The following PCDH9 variants were observed in gnomAD, a reference collection of about 807,000 sequenced individuals.
PCDH9 encodes protocadherin 9.
In PCDH9, 24 loss-of-function variants were observed where a neutral mutation model predicts 70.6. That is an observed-to-expected ratio of 0.34 (90% CI 0.25 to 0.48). The LOEUF (loss-of-function observed/expected upper bound fraction) is 0.48. Among genes scored for constraint, PCDH9 ranks in the 20% least tolerant of loss-of-function variants. The probability of loss-of-function intolerance (pLI) is 0.99; values close to 1 mark genes in which losing one functional copy is unlikely to be tolerated. For synonymous variants in PCDH9, 562 were observed against 558.5 expected (o/e 1.01, Z -0.09); for missense variants, 1,281 against 1,503.6 (o/e 0.85, Z 2.45).
intron 2 of PCDH9, among the ~76,000 whole-genome samples, chr13:67,096,309 G>A (rs1019286484): frequency 2.6e-5 from 4 of 152,092 alleles, no homozygotes; most frequent in Non-Finnish European, 5.9e-5. Context: ...GCCACGAACC[G>A]TAAAATACTA....
At chr13:66,544,232 T>C (rs1224244816) in intron 4 of PCDH9, among the ~76,000 whole-genome samples, 1 of 152,174 alleles carries the variant, frequency 6.6e-6, no homozygotes. Flanking sequence ...CAGTATTATA[T>C]TACCAGGAAA....
intron 2 of PCDH9, chr13:67,225,098 A>G: frequency 1.6e-6 from 2 of 1,240,792 alleles, no homozygotes; most frequent in Non-Finnish European, 2.0e-6. Context: ...AATTTGGCAT[A>G]TCAGGACAGG....
chr13:66,911,428 C>T (rs1203904125), intron 2 of PCDH9, among the ~76,000 whole-genome samples: 2 of 152,182 alleles, frequency 1.3e-5, no homozygotes, highest in African/African-American at 2.4e-5. Context: ...CAAGTCATTA[C>T]TAACCAAGGA....
At chr13:66,523,255 T>C (rs1284854134) in intron 4 of PCDH9, among the ~76,000 whole-genome samples, 1 of 151,996 alleles carries the variant, frequency 6.6e-6, no homozygotes, top group Non-Finnish European at 1.5e-5. Flanking sequence ...TTACATAGAA[T>C]TTACACTATG....
In PCDH9 at chr13:66,564,172, AT is replaced by A. The variant is rs542557044; in HGVS notation, c.3340+67037del. 7.5e-3 allele frequency among the ~76,000 whole-genome samples: 1,129 copies of A among 150,094 alleles called. 12 individuals are homozygous for A. Among genetic ancestry groups the A allele is most frequent in the African/African-American group, 0.027 (1,089 of 40,968 alleles). On this transcript the variant is annotated intron_variant, in intron 4 of 4. Transcript: ENST00000377865. ...TTTCAATGTTTTATGGGAAATTTTG[AT>A]TTTTTTTTTAAGACAATGTGTTGCT... is the stretch of plus-strand genomic sequence containing the variant.
At chr13:67,060,172 G>A (rs1236956386) in intron 2 of PCDH9, among the ~76,000 whole-genome samples, 8 of 152,096 alleles carry the variant, frequency 5.3e-5, no homozygotes, top group Admixed American at 5.3e-4. Flanking sequence ...AGGTCAGGTA[G>A]ATAAAGTGTC....
chr13:66,332,534 CA>C, intron 4 of PCDH9, among the ~76,000 whole-genome samples: 1 of 152,146 alleles, frequency 6.6e-6, no homozygotes, highest in Admixed American at 6.6e-5. Flanking sequence ...TCTAGGGAAA[CA>C]AAGACCTTTA....
chr13:66,449,466 G>A (rs897224709), intron 4 of PCDH9, among the ~76,000 whole-genome samples: 6 of 151,970 alleles, frequency 3.9e-5, no homozygotes, highest in Non-Finnish European at 8.8e-5. Context: ...TTGATATTTT[G>A]TTCTGCCACT....
intron 4 of PCDH9, among the ~76,000 whole-genome samples, chr13:66,489,235 C>T (rs377096833): frequency 7.9e-5 from 12 of 152,102 alleles, no homozygotes; most frequent in African/African-American, 2.2e-4. Flanking sequence ...ACTGTGTTAC[C>T]GCATTGAAAA....
At position 66,882,645 on chromosome 13, in the gene PCDH9, T is replaced by C. The variant is rs577560021; in HGVS notation, c.3138+20859A>G. Reference sequence around the variant, plus strand: ...TGATAAATTTAATACAAATTTAATTTTGTATGCCATCAAAACATACTCACA... The same window carrying C: ...TGATAAATTTAATACAAATTTAATTCTGTATGCCATCAAAACATACTCACA... On this transcript the variant is annotated intron_variant, in intron 3 of 4. Transcript: ENST00000377865. Among the ~76,000 whole-genome samples, 13 of 152,322 alleles carry C rather than the reference T, an allele frequency of 8.5e-5. 1 individual carries two copies. In the East Asian group the frequency reaches 2.3e-3, roughly 27 times the overall value.
intron 4 of PCDH9, among the ~76,000 whole-genome samples, chr13:66,419,763 GTT>G (rs35437080): frequency 0.014 from 2,057 of 142,300 alleles, 44 homozygotes; most frequent in African/African-American, 0.048. Context: ...AGCTGCAGGA[GTT>G]TTTTTTTTTT....
chr13:66,338,056 A>C (rs1477973834), intron 4 of PCDH9, among the ~76,000 whole-genome samples: 1 of 152,108 alleles, frequency 6.6e-6, no homozygotes, highest in Non-Finnish European at 1.5e-5. Context: ...TTGTGACTTT[A>C]GGAAGTTAAT....
At chr13:66,416,995 T>C (rs1007104110) in intron 4 of PCDH9, among the ~76,000 whole-genome samples, 2 of 152,184 alleles carry the variant, frequency 1.3e-5, no homozygotes, top group Admixed American at 1.3e-4. Flanking sequence ...TTCTGTATAA[T>C]CCTGAGTAGG....
At chr13:66,830,216 T>C (rs1474490827) in intron 3 of PCDH9, among the ~76,000 whole-genome samples, 15 of 152,158 alleles carry the variant, frequency 9.9e-5, no homozygotes, top group Non-Finnish European at 8.8e-5. Flanking sequence ...TTCAATATAA[T>C]GTGAAGTGAA....
chr13:67,130,055 C>T (rs1003892139), intron 2 of PCDH9, among the ~76,000 whole-genome samples: 6 of 152,092 alleles, frequency 3.9e-5, no homozygotes, highest in Non-Finnish European at 7.4e-5. Context: ...TTAATCTTAT[C>T]CATTTCTGCA....
chr13:67,170,053 C>T (rs535494743), intron 2 of PCDH9, among the ~76,000 whole-genome samples: 41 of 152,212 alleles, frequency 2.7e-4, no homozygotes, highest in Non-Finnish European at 3.8e-4. Flanking sequence ...TGCTTATTTG[C>T]AGGTGGTTCT....
chr13:66,965,688 T>A (rs1023684990), intron 2 of PCDH9, among the ~76,000 whole-genome samples: 3 of 152,088 alleles, frequency 2.0e-5, no homozygotes, highest in Non-Finnish European at 4.4e-5. Flanking sequence ...TTTATTGTAT[T>A]GCTTATGAAT....
intron 4 of PCDH9, among the ~76,000 whole-genome samples, chr13:66,521,127 A>G (rs1959968403): frequency 6.6e-6 from 1 of 152,166 alleles, no homozygotes; most frequent in Non-Finnish European, 1.5e-5. Context: ...TATTCCAAAG[A>G]TTAATGAGCA....
At chr13:67,204,990 G>A (rs140912994) in intron 2 of PCDH9, 101 of 152,262 alleles carry the variant, frequency 6.6e-4, no homozygotes, top group African/African-American at 2.4e-3. Context: ...AATTAAATAT[G>A]AGTTCCATTG....
Sources: allele counts gnomAD v4.1 joint callset (sites outside exome capture counted in the v4.1 genomes callset), GRCh38; gene constraint gnomAD v4.1.1; transcripts MANE v1.5; gene names NCBI Gene and HGNC (gene_info 2026-07-23, HGNC 2026-07-21).